Variants in PTPRD observed in about 807,000 individuals in gnomAD.
The protein encoded by PTPRD is receptor-type tyrosine-protein phosphatase delta.
PTPRD carries 34 observed loss-of-function variants against 214.5 expected under a neutral mutation model. The ratio of observed to expected loss-of-function variants is 0.16; its 90% CI spans 0.12 to 0.21. The LOEUF is 0.21. PTPRD is among the 10% of genes least tolerant of loss of function. PTPRD has a pLI of 1.00. For synonymous variants in PTPRD, 1,128 were observed against 845.7 expected (o/e 1.33, Z -5.79); for missense variants, 2,545 against 2,398.7 (o/e 1.06, Z -1.27).
chr9:9,371,073 C>CT (rs2059361457), intron 9 of PTPRD, among the ~76,000 whole-genome samples: 1 of 138,712 alleles, frequency 7.2e-6, no homozygotes, highest in Non-Finnish European at 1.5e-5. Context: ...CTAAAATTCT[C>CT]TTTTTTTGTT....
intron 21 of PTPRD, among the ~76,000 whole-genome samples, chr9:8,513,010 T>C (rs528612025): frequency 6.6e-6 from 1 of 152,040 alleles, no homozygotes; most frequent in Non-Finnish European, 1.5e-5. Flanking sequence ...GAATGTGTTT[T>C]CTAATAATGA....
At chr9:10,175,793 T>A (rs920655011) in intron 3 of PTPRD, among the ~76,000 whole-genome samples, 2 of 152,002 alleles carry the variant, frequency 1.3e-5, no homozygotes, top group Non-Finnish European at 2.9e-5. Flanking sequence ...TATGAGGTTG[T>A]CATAAGTAAT....
At chr9:10,427,569 T>G (rs985581833) in intron 2 of PTPRD, among the ~76,000 whole-genome samples, 4 of 151,992 alleles carry the variant, frequency 2.6e-5, no homozygotes, top group African/African-American at 9.7e-5. Flanking sequence ...GGTTGATAAT[T>G]GTCATTCAGG....
intron 9 of PTPRD, among the ~76,000 whole-genome samples, chr9:9,320,079 T>C (rs931362130): frequency 9.2e-5 from 14 of 152,202 alleles, no homozygotes; most frequent in Non-Finnish European, 1.6e-4. Context: ...TTTAAATGAA[T>C]AATAATGTTT....
chr9:10,612,523 A>G lies in PTPRD; in HGVS notation c.-707-18T>C, dbSNP rs2081304669. On this transcript the variant is annotated intron_variant, in intron 1 of 45. Coordinates refer to ENST00000381196, the MANE Select transcript of PTPRD (RefSeq NM_002839.4). ...AGAATAAACTGCAAAAAGGGATGGCACATGCACAGCAGCCCGTCAGGGTTT... is the reference window on the plus strand; with the variant it reads ...AGAATAAACTGCAAAAAGGGATGGCGCATGCACAGCAGCCCGTCAGGGTTT... 6.6e-6 allele frequency: 1 copy of G among 152,286 alleles called. No individual in the cohort carries two copies. The highest frequency in any genetic ancestry group is 1.5e-5 in the Non-Finnish European group (1 of 68,090). 9.4% of individuals were successfully genotyped at this position (152,286 alleles called of 1,614,324 possible).
At chr9:10,108,751 G>C (rs752186094) in intron 3 of PTPRD, among the ~76,000 whole-genome samples, 1 of 151,986 alleles carries the variant, frequency 6.6e-6, no homozygotes, top group Non-Finnish European at 1.5e-5. Flanking sequence ...AAAAAATGTG[G>C]TATTTGCACA....
chr9:9,601,251 T>A (rs2093746367), intron 7 of PTPRD, among the ~76,000 whole-genome samples: 1 of 151,832 alleles, frequency 6.6e-6, no homozygotes, highest in African/African-American at 2.4e-5. Context: ...TTGATAAAAA[T>A]TTTCTTTTTG....
intron 10 of PTPRD, among the ~76,000 whole-genome samples, chr9:9,055,274 A>G (rs1161435326): frequency 1.3e-5 from 2 of 152,182 alleles, no homozygotes; most frequent in African/African-American, 2.4e-5. Context: ...ATGTTCTTGA[A>G]AAATACTGAG....
chr9:9,333,577 C>T (rs886933076), intron 9 of PTPRD, among the ~76,000 whole-genome samples: 22 of 147,652 alleles, frequency 1.5e-4, no homozygotes, highest in African/African-American at 4.8e-4. Context: ...TGGGACTTAA[C>T]GCAGAATTAA....
At chr9:8,931,870 A>T (rs960932087) in intron 11 of PTPRD, among the ~76,000 whole-genome samples, 8 of 151,880 alleles carry the variant, frequency 5.3e-5, no homozygotes, top group Admixed American at 5.2e-4. Context: ...CAGGGATTCG[A>T]CTTCTTCTTG....
chr9:8,840,156 C>G (rs1368103766), intron 11 of PTPRD, among the ~76,000 whole-genome samples: 4 of 152,148 alleles, frequency 2.6e-5, no homozygotes, highest in Non-Finnish European at 5.9e-5. Flanking sequence ...GAGCAGTACA[C>G]ATTAGTAGAA....
intron 2 of PTPRD, among the ~76,000 whole-genome samples, chr9:10,560,300 T>C (rs927193195): frequency 1.2e-4 from 18 of 151,932 alleles, no homozygotes; most frequent in Admixed American, 3.9e-4. Flanking sequence ...CAGTAAACTA[T>C]TGCAAGAACA....
chr9:9,586,647 A>T (rs1224376831), intron 7 of PTPRD, among the ~76,000 whole-genome samples: 1 of 151,940 alleles, frequency 6.6e-6, no homozygotes. Context: ...ACCCATAAAT[A>T]CTCACTTTTC....
chr9:9,281,863 C>A (rs919671310), intron 9 of PTPRD, among the ~76,000 whole-genome samples: 7 of 150,808 alleles, frequency 4.6e-5, no homozygotes, highest in Admixed American at 3.3e-4. Flanking sequence ...AGATACCCTA[C>A]GGTAGATGAA....
At chr9:8,826,493 C>T (rs956378653) in intron 11 of PTPRD, among the ~76,000 whole-genome samples, 17 of 152,224 alleles carry the variant, frequency 1.1e-4, no homozygotes, top group African/African-American at 3.4e-4. Flanking sequence ...GCCTCCCTTC[C>T]GTTCACCACA....
At chr9:9,630,398 A>T (rs2095553388) in intron 7 of PTPRD, among the ~76,000 whole-genome samples, 1 of 152,190 alleles carries the variant, frequency 6.6e-6, no homozygotes, top group African/African-American at 2.4e-5. Flanking sequence ...GATGGTTTCT[A>T]AGATCCAACC....
At chr9:9,482,158 T>C (rs991787451) in intron 8 of PTPRD, among the ~76,000 whole-genome samples, 1 of 151,912 alleles carries the variant, frequency 6.6e-6, no homozygotes, top group Non-Finnish European at 1.5e-5. Context: ...GTAAGATCTT[T>C]TGGGGAGAGG....
At chr9:10,113,052 C>T (rs2098704492) in intron 3 of PTPRD, among the ~76,000 whole-genome samples, 1 of 152,196 alleles carries the variant, frequency 6.6e-6, no homozygotes, top group Non-Finnish European at 1.5e-5. Flanking sequence ...TAGTGAGACT[C>T]TTTCTGTGTC....
At chr9:8,597,155 G>A (rs1301572465) in intron 14 of PTPRD, among the ~76,000 whole-genome samples, 1 of 152,104 alleles carries the variant, frequency 6.6e-6, no homozygotes, top group East Asian at 1.9e-4. Context: ...AAAGTGAAGG[G>A]TTAAAGGGGG....
Sources: gnomAD v4.1 joint callset for allele counts (sites outside exome capture counted in the v4.1 genomes callset) on GRCh38, gnomAD v4.1.1 for gene constraint, MANE v1.5 for transcripts, NCBI Gene and HGNC (gene_info 2026-07-23, HGNC 2026-07-21) for gene names.